Variants in CMIP observed in about 807,000 individuals in gnomAD.
CMIP encodes C-Maf-inducing protein.
CMIP carries 13 observed loss-of-function variants against 97.3 expected under a neutral mutation model. The observed-to-expected ratio is 0.13, with a 90% CI of 0.09 to 0.21. The LOEUF (loss-of-function observed/expected upper bound fraction) is 0.21, where lower values mean the gene tolerates loss of function less well. CMIP is among the 10% of genes least tolerant of loss of function. CMIP has a pLI of 1.00. For synonymous variants in CMIP, 538 were observed against 436.3 expected, an observed-to-expected ratio of 1.23 and a Z score of -2.91; for missense variants, 847 against 1,024.9, an observed-to-expected ratio of 0.83 and a Z score of 2.37.
chr16:81,590,237 CCCTCCCATTCCTTCCCTA>C (rs139150325), intron 1 of CMIP, among the ~76,000 whole-genome samples: 15,625 of 152,224 alleles, frequency 0.1, 896 homozygotes, highest in East Asian at 0.3. Flanking sequence ...TTCTTTTCCT[CCCTCCCATTCCTTCCCTA>C]CCTCCCATTC....
At chr16:81,536,531 G>A (rs2090346252) in intron 1 of CMIP, among the ~76,000 whole-genome samples, 1 of 152,186 alleles carries the variant, frequency 6.6e-6, no homozygotes, top group Non-Finnish European at 1.5e-5. Context: ...CAGATCAATA[G>A]TGTTAAGTAT....
rs1210043666 is a variant in CMIP, at chr16:81,621,249, T to G, written c.477+323T>G. On this transcript the variant is annotated intron_variant, in intron 3 of 20. Coordinates refer to ENST00000537098, the MANE Select transcript of CMIP (RefSeq NM_198390.3). The surrounding 1 kb of genome is among the most constrained non-coding windows in gnomAD (Gnocchi z 4.1). Reference sequence around the variant, plus strand: ...GGAGTCCAGCCGGGGAGGCTGGACTTCAGGGGCTCAAGATGCTTAGTTGAA... The same window carrying G: ...GGAGTCCAGCCGGGGAGGCTGGACTGCAGGGGCTCAAGATGCTTAGTTGAA... 1 of 219,424 alleles carries G rather than the reference T, an allele frequency of 4.6e-6. No homozygotes were observed. The highest frequency in any genetic ancestry group is 2.2e-5 in the African/African-American group (1 of 44,474). The allele number at this position is 219,424 out of a possible 1,614,324, so 13.6% of individuals were successfully genotyped here. A position where few individuals can be genotyped will look rare whatever the true frequency, so the allele number is the denominator to read the frequency against.
chr16:81,549,624 T>C (rs987677628), intron 1 of CMIP, among the ~76,000 whole-genome samples: 15 of 152,098 alleles, frequency 9.9e-5, no homozygotes. Flanking sequence ...AGACCTCCTC[T>C]TTATTTATTT....
intron 1 of CMIP, chr16:81,518,592 C>T (rs1324560607): frequency 6.6e-6 from 1 of 152,260 alleles, no homozygotes; most frequent in African/African-American, 2.4e-5. Flanking sequence ...GTGTTTATTT[C>T]TGAGCAGCCC....
At chr16:81,610,518 C>T in intron 2 of CMIP, 1 of 985,570 alleles carries the variant, frequency 1.0e-6, no homozygotes, top group Non-Finnish European at 1.2e-6. Flanking sequence ...GGCCTCCCAA[C>T]CCTTCCCCCA....
chr16:81,509,462 C>T (rs910965724), intron 1 of CMIP, among the ~76,000 whole-genome samples: 1 of 152,170 alleles, frequency 6.6e-6, no homozygotes, highest in Admixed American at 6.5e-5. Flanking sequence ...CTCCTTCCTG[C>T]GTGCACTGCC....
At chr16:81,709,702 G>A (rs750678273) in intron 20 of CMIP, 44 bp from the exon 21 acceptor site, 41 of 1,609,918 alleles carry the variant, frequency 2.5e-5, no homozygotes, top group Non-Finnish European at 3.5e-5. Flanking sequence ...GCTTCTGCAA[G>A]GGAATGGCCT....
chr16:81,507,977 C>G (rs747632777), intron 1 of CMIP, among the ~76,000 whole-genome samples: 4 of 152,148 alleles, frequency 2.6e-5, no homozygotes, highest in African/African-American at 7.2e-5. Flanking sequence ...TTTGGTTTTC[C>G]CAGGCTTTTA....
intron 11 of CMIP, among the ~76,000 whole-genome samples, 199 bp from the exon 12 acceptor site, chr16:81,692,959 T>C (rs1906268409): frequency 6.6e-6 from 1 of 152,200 alleles, no homozygotes; most frequent in Non-Finnish European, 1.5e-5. Flanking sequence ...TTCATGTTGC[T>C]CTGATCTGCC....
At chr16:81,633,820 A>G (rs150712942) in intron 3 of CMIP, among the ~76,000 whole-genome samples, 15 of 152,362 alleles carry the variant, frequency 9.8e-5, no homozygotes, top group African/African-American at 3.4e-4. Flanking sequence ...GTCCAGGAGT[A>G]CAAGGACCTT....
chr16:81,607,309 C>T (rs955458017), intron 1 of CMIP, among the ~76,000 whole-genome samples: 10 of 152,230 alleles, frequency 6.6e-5, no homozygotes, highest in South Asian at 2.1e-4. Flanking sequence ...AGTTCTTGCC[C>T]TCCAGCTGCT....
intron 1 of CMIP, among the ~76,000 whole-genome samples, chr16:81,571,704 T>G (rs1278082021): frequency 1.3e-5 from 2 of 151,292 alleles, no homozygotes; most frequent in Non-Finnish European, 2.9e-5. Flanking sequence ...TTCCTTGGTG[T>G]GTGTAGGACA....
At chr16:81,446,134 G>T (rs1405071613) in intron 1 of CMIP, among the ~76,000 whole-genome samples, 1 of 152,052 alleles carries the variant, frequency 6.6e-6, no homozygotes, top group Non-Finnish European at 1.5e-5. Context: ...ACATTGAGAG[G>T]TTGGAAGTGG....
chr16:81,555,846 A>G lies in CMIP; in HGVS notation c.301-51721A>G, dbSNP rs563284670. ...GGGGGAGACTGATTCCTGCCAAGTG[A>G]TTTTTCTCCCTGAACCTCAGTGTCC... On this transcript the variant is annotated intron_variant, in intron 1 of 20. Transcript: ENST00000537098. Among the ~76,000 whole-genome samples, 5 of 152,124 alleles carry G rather than the reference A, an allele frequency of 3.3e-5. No individual in the cohort carries two copies. In the South Asian group the frequency reaches 8.3e-4, roughly 25 times the overall value.
At position 81,614,757 on chromosome 16, in the gene CMIP, A is replaced by G. The variant is rs1966562362; in HGVS notation, c.427-6119A>G. On this transcript the variant is annotated intron_variant, in intron 2 of 20. Transcript: ENST00000537098. The surrounding 1 kb of genome is among the most constrained non-coding windows in gnomAD (Gnocchi z 5.3). ...TGTCTCTGTGAGTGTGTATGTGTCT[A>G]TGTCTGTGGTGTGTGTGGTATGTGT... Among the ~76,000 whole-genome samples, 1 of 149,918 alleles carries G rather than the reference A, an allele frequency of 6.7e-6. No homozygotes were observed. The highest frequency in any genetic ancestry group is 2.5e-5 in the African/African-American group (1 of 40,500).
At position 81,621,135 on chromosome 16, in the gene CMIP, C is replaced by T. The variant is rs2091986913; in HGVS notation, c.477+209C>T. The T allele has an allele frequency of 1.3e-5, 7 of 551,378 alleles. No individual in the cohort carries two copies. The highest frequency in any genetic ancestry group is 6.3e-5 in the Admixed American group (2 of 31,614). 34.2% of individuals were successfully genotyped at this position (551,378 alleles called of 1,614,324 possible). ...CCCTGCAGTGCTGAAATAGCATTCT[C>T]GCCCTGGTGTTCTCAAACCCTATAG... On this transcript the variant is annotated intron_variant, in intron 3 of 20. Coordinates refer to ENST00000537098, the MANE Select transcript of CMIP (RefSeq NM_198390.3). The surrounding 1 kb of genome is among the most constrained non-coding windows in gnomAD (Gnocchi z 4.1).
intron 3 of CMIP, among the ~76,000 whole-genome samples, chr16:81,636,408 C>A (rs985800339): frequency 6.6e-6 from 1 of 151,782 alleles, no homozygotes; most frequent in African/African-American, 2.4e-5. Flanking sequence ...TGTGGTGAAG[C>A]CCCATCTCTA....
chr16:81,451,544 A>C (rs1449753698), intron 1 of CMIP, among the ~76,000 whole-genome samples: 2 of 152,280 alleles, frequency 1.3e-5, no homozygotes, highest in East Asian at 1.9e-4. Flanking sequence ...CTTTTGCTTA[A>C]TTCTTTGGGA....
intron 1 of CMIP, among the ~76,000 whole-genome samples, chr16:81,510,911 G>A (rs1422986865): frequency 6.6e-6 from 1 of 152,124 alleles, no homozygotes; most frequent in African/African-American, 2.4e-5. Context: ...GTAGAGATGG[G>A]GTTTCACCAT....
Sources: allele counts gnomAD v4.1 joint callset (sites outside exome capture counted in the v4.1 genomes callset), GRCh38; gene constraint gnomAD v4.1.1; non-coding constraint Gnocchi (gnomAD v3.1); transcripts MANE v1.5; gene names NCBI Gene and HGNC (gene_info 2026-07-23, HGNC 2026-07-21).